The following THSD4 variants were observed in gnomAD, a reference collection of about 807,000 sequenced individuals.
THSD4 encodes thrombospondin type 1 domain containing 4.
A neutral mutation model predicts 119.0 loss-of-function variants in THSD4; 69 were observed. The ratio of observed to expected loss-of-function variants is 0.58; its 90% CI spans 0.48 to 0.71. The LOEUF (loss-of-function observed/expected upper bound fraction) is 0.71, where lower values mean the gene tolerates loss of function less well. Ranked by LOEUF, THSD4 falls within the 30% of genes least tolerant of loss-of-function variation. THSD4 has a pLI of 0.00. For missense variants in THSD4, 1,393 were observed against 1,391.1 expected (o/e 1.00, Z -0.02); for synonymous variants, 524 against 540.4 (o/e 0.97, Z 0.42).
intron 7 of THSD4, among the ~76,000 whole-genome samples, chr15:71,597,573 A>C (rs193221814): frequency 1.3e-5 from 2 of 152,310 alleles, no homozygotes; most frequent in Admixed American, 1.3e-4. Context: ...TTTTACCAAA[A>C]ATCGTGTATA....
intron 1 of THSD4, among the ~76,000 whole-genome samples, chr15:71,128,699 A>C (rs2040476525): frequency 6.6e-6 from 1 of 152,216 alleles, no homozygotes; most frequent in Admixed American, 6.5e-5. Context: ...CAAACCCTAA[A>C]TAGAAAGAAA....
intron 7 of THSD4, among the ~76,000 whole-genome samples, chr15:71,645,221 A>G (rs529044815): frequency 1.3e-5 from 2 of 152,276 alleles, no homozygotes; most frequent in South Asian, 4.2e-4. Flanking sequence ...GGCCTGCCCA[A>G]GATTCTGCAA....
At chr15:71,642,098 G>T (rs1269121879) in intron 7 of THSD4, among the ~76,000 whole-genome samples, 4 of 152,180 alleles carry the variant, frequency 2.6e-5, no homozygotes, top group Non-Finnish European at 5.9e-5. Flanking sequence ...ATCATTCAGG[G>T]ATGAACTGGC....
intron 7 of THSD4, among the ~76,000 whole-genome samples, chr15:71,594,597 G>A (rs2049872503): frequency 6.6e-6 from 1 of 152,142 alleles, no homozygotes; most frequent in African/African-American, 2.4e-5. Flanking sequence ...ATTGCCTTAG[G>A]TGGAGACCTT....
intron 6 of THSD4, among the ~76,000 whole-genome samples, chr15:71,303,202 CTG>C (rs1258621675): frequency 1.3e-5 from 2 of 152,112 alleles, no homozygotes; most frequent in Non-Finnish European, 2.9e-5. Flanking sequence ...CACAGAATGA[CTG>C]TGCACAGACA....
chr15:71,247,868 G>T (rs1392355603), intron 5 of THSD4, among the ~76,000 whole-genome samples: 1 of 152,210 alleles, frequency 6.6e-6, no homozygotes, highest in African/African-American at 2.4e-5. Flanking sequence ...TGAAGCCCAA[G>T]GCTTGATAGC....
chr15:71,341,722 T>A (rs762810174), intron 6 of THSD4: 1 of 1,023,898 alleles, frequency 9.8e-7, no homozygotes, highest in Non-Finnish European at 1.6e-6. Context: ...TTTTCACAGA[T>A]TACCTCAGGC....
chr15:71,427,480 A>T (rs1005283496), intron 7 of THSD4, among the ~76,000 whole-genome samples: 16 of 151,484 alleles, frequency 1.1e-4, no homozygotes, highest in African/African-American at 3.6e-4. Context: ...GCACACATTA[A>T]ATGGAATGTT....
intron 10 of THSD4, among the ~76,000 whole-genome samples, chr15:71,737,496 C>A (rs1307031393): frequency 1.3e-5 from 2 of 152,194 alleles, no homozygotes; most frequent in Admixed American, 6.5e-5. Flanking sequence ...CTGTCTATGG[C>A]TCACAATTCC....
intron 7 of THSD4, among the ~76,000 whole-genome samples, chr15:71,449,079 C>T (rs949807088): frequency 1.4e-4 from 22 of 152,184 alleles, no homozygotes; most frequent in African/African-American, 4.3e-4. Flanking sequence ...GTCTGACCAG[C>T]GGGCGACCTG....
At chr15:71,313,657 A>G (rs533270412) in intron 6 of THSD4, among the ~76,000 whole-genome samples, 8 of 152,244 alleles carry the variant, frequency 5.3e-5, no homozygotes, top group African/African-American at 1.9e-4. Flanking sequence ...GCTTTGAGGG[A>G]AGGAGAGACT....
intron 2 of THSD4, among the ~76,000 whole-genome samples, chr15:71,149,626 G>C (rs1420300563): frequency 6.6e-6 from 1 of 152,134 alleles, no homozygotes; most frequent in East Asian, 1.9e-4. Flanking sequence ...CTTTTGCTAA[G>C]GTCGATATAA....
In THSD4 at chr15:71,547,223, A is replaced by G. The variant is rs906275482; in HGVS notation, c.1153-113307A>G. 8 of 1,382,796 alleles carry G rather than the reference A, an allele frequency of 5.8e-6. No individual in the cohort carries two copies. In the African/African-American group the frequency reaches 1.2e-4, roughly 20 times the overall value. 85.7% of individuals were successfully genotyped at this position (1,382,796 alleles called of 1,614,324 possible). ...AGTTATTACATGAAGAGATCAGCTT[A>G]CCAGTTTTCTTCAGAACAGAGGCTG... On this transcript the variant is annotated intron_variant, in intron 7 of 17. Coordinates refer to ENST00000261862, the MANE Select transcript of THSD4 (RefSeq NM_024817.3).
intron 8 of THSD4, among the ~76,000 whole-genome samples, chr15:71,672,589 G>A (rs929210954): frequency 1.3e-5 from 2 of 152,146 alleles, no homozygotes; most frequent in Admixed American, 6.5e-5. Context: ...AATGCTTCCA[G>A]TTTTTGCCCA....
chr15:71,195,848 T>C (rs2043714812), intron 3 of THSD4, among the ~76,000 whole-genome samples: 1 of 152,156 alleles, frequency 6.6e-6, no homozygotes, highest in South Asian at 2.1e-4. Flanking sequence ...CACTGTACAA[T>C]GTGATATCTG....
At chr15:71,716,561 G>GGTGTGTGTGTGTGTGT (rs57999390) in intron 8 of THSD4, among the ~76,000 whole-genome samples, 135 of 144,612 alleles carry the variant, frequency 9.3e-4, no homozygotes, top group South Asian at 2.9e-3. Flanking sequence ...TAGAGTGTGG[G>GGTGTGTGTGTGTGTGT]GTGTGTGTGT....
At chr15:71,608,749 A>T (rs538569624) in intron 7 of THSD4, among the ~76,000 whole-genome samples, 1 of 152,286 alleles carries the variant, frequency 6.6e-6, no homozygotes, top group African/African-American at 2.4e-5. Context: ...ATCTCACCTC[A>T]TACTCTCCAA....
intron 4 of THSD4, among the ~76,000 whole-genome samples, chr15:71,224,266 G>A (rs2043996839): frequency 6.6e-6 from 1 of 152,152 alleles, no homozygotes. Context: ...GACTGGGGAA[G>A]TCCACAGGCT....
chr15:71,688,217 T>G (rs891170415), intron 8 of THSD4, among the ~76,000 whole-genome samples: 2 of 152,264 alleles, frequency 1.3e-5, no homozygotes, highest in African/African-American at 4.8e-5. Flanking sequence ...TACAAGCCAG[T>G]CTTCTGTCTT....
Sources: allele counts gnomAD v4.1 joint callset (sites outside exome capture counted in the v4.1 genomes callset), GRCh38; gene constraint gnomAD v4.1.1; transcripts MANE v1.5; gene names NCBI Gene and HGNC (gene_info 2026-07-23, HGNC 2026-07-21).